The following REDIC1 variants were observed in gnomAD, a reference collection of about 807,000 sequenced individuals.
REDIC1 encodes HEI10 Interacting Protein 1.
chr12:39,797,744 A>G, the REDIC1 span, among the ~76,000 whole-genome samples: 25,116 of 150,172 alleles, frequency 0.17, 2,300 homozygotes, highest in South Asian at 0.29. Context: ...ACACACACAC[A>G]CACACACACA....
At chr12:39,712,125 C>CAT in the REDIC1 span, among the ~76,000 whole-genome samples, 1 of 126,448 alleles carries the variant, frequency 7.9e-6, no homozygotes, top group Non-Finnish European at 1.7e-5. Context: ...TGTATATATA[C>CAT]CTGTATGTAC....
chr12:39,895,741 C>CAT, the REDIC1 span, among the ~76,000 whole-genome samples: 19 of 6,552 alleles, frequency 2.9e-3, 4 homozygotes, highest in African/African-American at 5.1e-3. Flanking sequence ...TACGTACACA[C>CAT]ATGTATATGC....
the REDIC1 span, among the ~76,000 whole-genome samples, chr12:39,789,474 T>C: frequency 2.0e-5 from 3 of 152,182 alleles, no homozygotes; most frequent in African/African-American, 7.2e-5. Context: ...TTCCAGTTTT[T>C]AAAATTACAA....
chr12:39,901,719 T>C, the REDIC1 span, among the ~76,000 whole-genome samples: 2 of 133,312 alleles, frequency 1.5e-5, no homozygotes, highest in South Asian at 2.8e-4. Context: ...TGTGGAGAAA[T>C]AGGAACACTT....
the REDIC1 span, among the ~76,000 whole-genome samples, chr12:39,776,733 T>C: frequency 1.2e-4 from 1 of 8,262 alleles, no homozygotes; most frequent in South Asian, 4.0e-3. Flanking sequence ...TTGAGACATT[T>C]TTCTTTCTTT....
the REDIC1 span, among the ~76,000 whole-genome samples, chr12:39,811,774 A>G: frequency 2.0e-5 from 3 of 152,134 alleles, no homozygotes; most frequent in Non-Finnish European, 4.4e-5. Context: ...AATATTAACA[A>G]AAGCACTCTA....
At chr12:39,701,475 C>A in the REDIC1 span, among the ~76,000 whole-genome samples, 1 of 152,144 alleles carries the variant, frequency 6.6e-6, no homozygotes, top group African/African-American at 2.4e-5. Context: ...CGTAGACTCC[C>A]ACACATTAAT....
the REDIC1 span, among the ~76,000 whole-genome samples, chr12:39,750,829 T>A: frequency 6.6e-6 from 1 of 152,242 alleles, no homozygotes; most frequent in African/African-American, 2.4e-5. Flanking sequence ...CCCTATTTAA[T>A]AAATGATGTG....
chr12:39,810,971 C>T, the REDIC1 span, among the ~76,000 whole-genome samples: 1 of 152,070 alleles, frequency 6.6e-6, no homozygotes, highest in South Asian at 2.1e-4. Context: ...CCCCACTCTG[C>T]CCTTTTCTGA....
the REDIC1 span, among the ~76,000 whole-genome samples, chr12:39,899,229 A>T: frequency 6.6e-6 from 1 of 152,086 alleles, no homozygotes; most frequent in African/African-American, 2.4e-5. Context: ...TGTGTCGAGG[A>T]ATTTATCCAT....
At chr12:39,725,098 T>C in the REDIC1 span, among the ~76,000 whole-genome samples, 1 of 151,976 alleles carries the variant, frequency 6.6e-6, no homozygotes, top group Non-Finnish European at 1.5e-5. Context: ...CAAAGTCAAA[T>C]GAAAAACATG....
chr12:39,804,015 C>T, the REDIC1 span, among the ~76,000 whole-genome samples: 1 of 151,820 alleles, frequency 6.6e-6, no homozygotes, highest in Non-Finnish European at 1.5e-5. Flanking sequence ...GAAGAAATGT[C>T]TGAATTCATT....
chr12:39,893,717 AGT>A, the REDIC1 span, among the ~76,000 whole-genome samples: 1 of 152,170 alleles, frequency 6.6e-6, no homozygotes, highest in Non-Finnish European at 1.5e-5. Flanking sequence ...CTTTTTCTGG[AGT>A]GTGTGTGTCC....
At chr12:39,880,039 C>T in the REDIC1 span, among the ~76,000 whole-genome samples, 1 of 151,864 alleles carries the variant, frequency 6.6e-6, no homozygotes, top group Non-Finnish European at 1.5e-5. Context: ...GGCACCTCAC[C>T]CTGCACTCTC....
At chr12:39,757,947 C>CT in the REDIC1 span, 2 of 152,208 alleles carry the variant, frequency 1.3e-5, 1 homozygote, top group African/African-American at 4.8e-5. Flanking sequence ...TATTGGTCTA[C>CT]TTTTTCTCCT....
the REDIC1 span, among the ~76,000 whole-genome samples, chr12:39,879,874 T>C: frequency 6.6e-6 from 1 of 152,170 alleles, no homozygotes; most frequent in Non-Finnish European, 1.5e-5. Flanking sequence ...GTAGTTTGGA[T>C]ATTTGTCCCC....
the REDIC1 span, among the ~76,000 whole-genome samples, chr12:39,813,214 T>C: frequency 6.6e-6 from 1 of 151,958 alleles, no homozygotes; most frequent in Non-Finnish European, 1.5e-5. Flanking sequence ...TTGCATTCCA[T>C]TTTATCTATT....
At chr12:39,728,488 G>A in the REDIC1 span, among the ~76,000 whole-genome samples, 1 of 152,282 alleles carries the variant, frequency 6.6e-6, no homozygotes. Context: ...GCATCTCAGG[G>A]ATGAAGCCAA....
At chr12:39,881,129 C>A in the REDIC1 span, among the ~76,000 whole-genome samples, 1 of 152,056 alleles carries the variant, frequency 6.6e-6, no homozygotes, top group Non-Finnish European at 1.5e-5. Context: ...AAAAACAAAA[C>A]TTCATGCTTT....
Sources: allele counts gnomAD v4.1 joint callset (sites outside exome capture counted in the v4.1 genomes callset), GRCh38; gene constraint gnomAD v4.1.1; transcripts MANE v1.5; gene names NCBI Gene and HGNC (gene_info 2026-07-23, HGNC 2026-07-21).